HMMR: variants seen among roughly 807,000 people sequenced by gnomAD.
HMMR encodes hyaluronan mediated motility receptor.
Under a neutral mutation model 101.0 loss-of-function variants are expected in HMMR, and 108 were observed. That is an observed-to-expected ratio of 1.07 (90% CI 0.92 to 1.25). The LOEUF is 1.25. Ranked by LOEUF, HMMR falls within the 50% of genes most tolerant of loss-of-function variation. HMMR has a pLI of 0.00. For synonymous variants in HMMR, 296 were observed against 276.4 expected, an observed-to-expected ratio of 1.07 and a Z score of -0.70; for missense variants, 813 against 788.7, an observed-to-expected ratio of 1.03 and a Z score of -0.37.
chr5:163,461,402 G>C (rs571698218), intron 1 of HMMR, among the ~76,000 whole-genome samples: 98 of 152,256 alleles, frequency 6.4e-4, no homozygotes, highest in African/African-American at 2.3e-3. Flanking sequence ...GACCGGACTG[G>C]AATATGAACC....
chr5:163,489,584 A>G (rs1409023350), intron 16 of HMMR, among the ~76,000 whole-genome samples: 3 of 152,270 alleles, frequency 2.0e-5, no homozygotes, highest in African/African-American at 7.2e-5. Flanking sequence ...GAATAGCCTC[A>G]GGCCCTCTTG....
At chr5:163,472,951 T>C (rs1317336584) in intron 7 of HMMR, among the ~76,000 whole-genome samples, 5 of 152,178 alleles carry the variant, frequency 3.3e-5, no homozygotes, top group South Asian at 2.1e-4. Context: ...CTTGTCATCA[T>C]AGGTTTTTTT....
chr5:163,489,835 G>A (rs1287970998), intron 16 of HMMR, among the ~76,000 whole-genome samples: 3 of 152,180 alleles, frequency 2.0e-5, no homozygotes, highest in Admixed American at 6.5e-5. Flanking sequence ...CTTCTGACTC[G>A]GAGTTGGGGG....
intron 3 of HMMR, among the ~76,000 whole-genome samples, chr5:163,465,706 C>G (rs1758682234): frequency 6.6e-6 from 1 of 152,074 alleles, no homozygotes; most frequent in African/African-American, 2.4e-5. Context: ...CGCCTATAAT[C>G]CCAGCACTTT....
intron 7 of HMMR, among the ~76,000 whole-genome samples, chr5:163,472,950 A>G (rs1222462518): frequency 6.6e-6 from 1 of 152,192 alleles, no homozygotes; most frequent in Non-Finnish European, 1.5e-5. Context: ...TCTTGTCATC[A>G]TAGGTTTTTT....
In HMMR at chr5:163,490,431, A is replaced by C. The variant is rs760822302; in HGVS notation, c.2004A>C (p.Gln668His). The change falls in exon 17 of 18, where the codon CAA becomes CAC. Residue 668 changes from glutamine (Q) to histidine (H), a missense_variant. Coordinates refer to ENST00000393915, the MANE Select transcript of HMMR (RefSeq NM_001142556.2). The part of the protein sequence containing the change: ...KLRCQLAKKK[Q>H]SETKLQEELN... Reference sequence around the variant, plus strand: ...GCTGTCAGCTTGCTAAAAAAAAACAAAGTGAGACAAAACTTCAAGAGGAAT... The same window carrying C: ...GCTGTCAGCTTGCTAAAAAAAAACACAGTGAGACAAAACTTCAAGAGGAAT... The C allele has an allele frequency of 6.3e-7, 1 of 1,597,102 alleles. No homozygotes were observed. The highest frequency in any genetic ancestry group is 1.1e-5 in the South Asian group (1 of 87,534).
At chr5:163,480,330 C>T (rs556919530) in intron 12 of HMMR, among the ~76,000 whole-genome samples, 35 of 152,152 alleles carry the variant, frequency 2.3e-4, no homozygotes, top group Admixed American at 1.2e-3. Context: ...TAGTATATGC[C>T]GTTTCCTGGG....
At chr5:163,477,912 G>A (rs1759121459) in intron 11 of HMMR, among the ~76,000 whole-genome samples, 1 of 152,076 alleles carries the variant, frequency 6.6e-6, no homozygotes, top group Non-Finnish European at 1.5e-5. Context: ...TCTTGCTGTG[G>A]TGTGTATATT....
chr5:163,491,428 A>G lies in HMMR; in HGVS notation c.*264A>G. 3.3e-6 allele frequency: 1 copy of G among 307,378 alleles called. No individual in the cohort carries two copies. Among genetic ancestry groups the G allele is most frequent in the Non-Finnish European group, 5.9e-6 (1 of 168,954 alleles). The allele number at this position is 307,378 out of a possible 1,614,324, so 19.0% of individuals were successfully genotyped here. A position where few individuals can be genotyped will look rare whatever the true frequency, so the allele number is the denominator to read the frequency against. On this transcript the variant is annotated 3_prime_UTR_variant, in exon 18 of 18. Coordinates refer to ENST00000393915, the MANE Select transcript of HMMR (RefSeq NM_001142556.2). ...AGCTTAGAATGCATCTCATCAACTTAAAAGTCAGTATCATATTATTATCCT... is the reference window on the plus strand; with the variant it reads ...AGCTTAGAATGCATCTCATCAACTTGAAAGTCAGTATCATATTATTATCCT...
At chr5:163,464,898 C>A in intron 3 of HMMR, 96 bp downstream of exon 3, 1 of 736,676 alleles carries the variant, frequency 1.4e-6, no homozygotes, top group South Asian at 1.6e-5. Flanking sequence ...GTGTATGAAT[C>A]AAGGTTATAA....
Position 163,491,093 on chromosome 5 carries a change from T to C in HMMR, c.2126-19T>C. ...TTTTAATCTAGATTACTAATCCTTCTTTTCAATAATTCTTCTAGGCAATAC... is the reference window on the plus strand; with the variant it reads ...TTTTAATCTAGATTACTAATCCTTCCTTTCAATAATTCTTCTAGGCAATAC... On this transcript the variant is annotated intron_variant, in intron 17 of 17. Coordinates refer to ENST00000393915, the MANE Select transcript of HMMR (RefSeq NM_001142556.2). The C allele has an allele frequency of 6.8e-7, 1 of 1,481,086 alleles. No individual in the cohort carries two copies. Among genetic ancestry groups the C allele is most frequent in the Non-Finnish European group, 9.2e-7 (1 of 1,089,602 alleles). The allele number at this position is 1,481,086 out of a possible 1,614,324, so 91.7% of individuals were successfully genotyped here.
chr5:163,475,011 G>C (rs1034601077), intron 10 of HMMR, among the ~76,000 whole-genome samples: 1 of 152,008 alleles, frequency 6.6e-6, no homozygotes, highest in African/African-American at 2.4e-5. Context: ...TAAAATTAGG[G>C]GGGGAAGTCG....
intron 16 of HMMR, among the ~76,000 whole-genome samples, chr5:163,486,221 G>A (rs918904269): frequency 6.6e-6 from 1 of 152,040 alleles, no homozygotes; most frequent in Non-Finnish European, 1.5e-5. Context: ...GATCAGTTTG[G>A]GACATATTAT....
In HMMR at chr5:163,491,190, AT is replaced by A; in HGVS notation, c.*29del. The A allele has an allele frequency of 7.5e-7, 1 of 1,330,284 alleles. No individual in the cohort carries two copies. Among genetic ancestry groups the A allele is most frequent in the Non-Finnish European group, 1.1e-6 (1 of 949,014 alleles). The allele number at this position is 1,330,284 out of a possible 1,614,324, so 82.4% of individuals were successfully genotyped here. ...ACATCTGAGAAACCTGTTGAAGATT[AT>A]TTCATTCGTCTTGTTGTTATTGATG... On this transcript the variant is annotated 3_prime_UTR_variant, in exon 18 of 18. Coordinates refer to ENST00000393915, the MANE Select transcript of HMMR (RefSeq NM_001142556.2).
intron 10 of HMMR, among the ~76,000 whole-genome samples, 193 bp from the exon 11 acceptor site, chr5:163,475,265 T>TA (rs560862250): frequency 2.3e-4 from 35 of 152,218 alleles, no homozygotes; most frequent in African/African-American, 6.3e-4. Context: ...CCTAAGATGA[T>TA]ATTTGCCACA....
intron 12 of HMMR, among the ~76,000 whole-genome samples, chr5:163,481,980 A>G (rs1272550018): frequency 6.6e-6 from 1 of 152,102 alleles, no homozygotes; most frequent in Non-Finnish European, 1.5e-5. Flanking sequence ...CAATGGCACT[A>G]TCTCAGGTCA....
intron 4 of HMMR, 123 bp downstream of exon 4, chr5:163,467,871 A>C: frequency 6.5e-6 from 4 of 612,156 alleles, no homozygotes; most frequent in South Asian, 5.4e-5. Flanking sequence ...TGCCATCCAG[A>C]ACAGTGCCTA....
chr5:163,484,715 A>G (rs540257552), intron 16 of HMMR, among the ~76,000 whole-genome samples: 3 of 152,178 alleles, frequency 2.0e-5, no homozygotes, highest in African/African-American at 7.2e-5. Context: ...GGACATTTTC[A>G]TCACCTCAAA....
At position 163,491,822 on chromosome 5, in the gene HMMR, C is replaced by G. The variant is rs1376794259; in HGVS notation, c.*658C>G. 1.3e-5 allele frequency: 2 copies of G among 152,170 alleles called. No homozygotes were observed. Among genetic ancestry groups the G allele is most frequent in the Admixed American group, 1.3e-4 (2 of 15,276 alleles). The allele number at this position is 152,170 out of a possible 1,614,324, so 9.4% of individuals were successfully genotyped here. ...AGATACACTAAAAATCTGAGAAACT[C>G]TACATGTAACTATTTCTTCAGAGTT... On this transcript the variant is annotated 3_prime_UTR_variant, in exon 18 of 18. Coordinates refer to ENST00000393915, the MANE Select transcript of HMMR (RefSeq NM_001142556.2).
Sources: allele counts gnomAD v4.1 joint callset (sites outside exome capture counted in the v4.1 genomes callset), GRCh38; gene constraint gnomAD v4.1.1; transcripts MANE v1.5; gene names NCBI Gene and HGNC (gene_info 2026-07-23, HGNC 2026-07-21).